Variants in CNGB1 observed in about 807,000 individuals in gnomAD.
The protein encoded by CNGB1 is cyclic nucleotide-gated channel beta-1.
Under a neutral mutation model 151.7 loss-of-function variants are expected in CNGB1, and 126 were observed. The ratio of observed to expected loss-of-function variants is 0.83; its 90% CI spans 0.72 to 0.96. The LOEUF (loss-of-function observed/expected upper bound fraction) is 0.96. CNGB1 is among the 40% of genes least tolerant of loss of function. The pLI, the probability that CNGB1 is intolerant of heterozygous loss-of-function variation, is 0.00. For missense variants in CNGB1, 1,698 were observed against 1,627.0 expected (o/e 1.04, Z -0.75); for synonymous variants, 623 against 635.1 (o/e 0.98, Z 0.29).
At chr16:57,930,810 A>G (rs1302358741) in intron 17 of CNGB1, among the ~76,000 whole-genome samples, 15 of 152,194 alleles carry the variant, frequency 9.9e-5, no homozygotes, top group Non-Finnish European at 7.3e-5. Flanking sequence ...TCAAGCTCAT[A>G]GAAACAGAAA....
intron 12 of CNGB1, chr16:57,955,081 T>C: frequency 1.5e-6 from 2 of 1,368,444 alleles, no homozygotes; most frequent in Non-Finnish European, 1.9e-6. Context: ...TGGGGGTAAG[T>C]CCTGCTGTCT....
chr16:57,958,535 A>T, intron 10 of CNGB1, 50 bp from the exon 11 acceptor site: 1 of 1,522,928 alleles, frequency 6.6e-7, no homozygotes, highest in South Asian at 1.1e-5. Flanking sequence ...GGTCATGGGT[A>T]AACTGAGGCT....
chr16:57,922,444 T>C (rs79651758), intron 18 of CNGB1, among the ~76,000 whole-genome samples: 1 of 151,228 alleles, frequency 6.6e-6, no homozygotes, highest in Non-Finnish European at 1.5e-5. Context: ...TTTTTTTTTT[T>C]TGAGATGAAG....
intron 14 of CNGB1, among the ~76,000 whole-genome samples, chr16:57,948,318 T>TC (rs1491422164): frequency 4.3e-3 from 24 of 5,572 alleles, no homozygotes; most frequent in African/African-American, 0.033. Context: ...TTCTTCTTCT[T>TC]TTTTTTTTTT....
chr16:57,924,709 G>A (rs1961139642), intron 17 of CNGB1, among the ~76,000 whole-genome samples: 1 of 152,172 alleles, frequency 6.6e-6, no homozygotes, highest in South Asian at 2.1e-4. Flanking sequence ...TGGCGGTGGG[G>A]CTTGGTGGAC....
At chr16:57,960,234 GA>G (rs1962208246) in intron 9 of CNGB1, among the ~76,000 whole-genome samples, 169 bp from the exon 10 acceptor site, 1 of 152,156 alleles carries the variant, frequency 6.6e-6, no homozygotes, top group Non-Finnish European at 1.5e-5. Context: ...CAAGGGAACT[GA>G]GACCCAGGGA....
Position 57,883,055 on chromosome 16 carries a change from C to G in CNGB1, c.*1109G>C, listed in dbSNP as rs1959801235. ...GGCAGAGGCAGAAACGCTAGCAGCT[C>G]CTGGCCAGTAAGTCCATTTCCCTTC... On this transcript the variant is annotated 3_prime_UTR_variant, in exon 33 of 33. Transcript: ENST00000251102. 1 of 152,164 alleles carries G rather than the reference C, an allele frequency of 6.6e-6. No individual in the cohort carries two copies. The highest frequency in any genetic ancestry group is 1.5e-5 in the Non-Finnish European group (1 of 68,050). The allele number at this position is 152,164 out of a possible 1,614,324, so 9.4% of individuals were successfully genotyped here.
chr16:57,938,023 G>T (rs1000133431), intron 16 of CNGB1, among the ~76,000 whole-genome samples: 2 of 152,222 alleles, frequency 1.3e-5, no homozygotes, highest in Admixed American at 1.3e-4. Flanking sequence ...ACCACGAGGA[G>T]TCTGATTTAG....
At position 57,911,740 on chromosome 16, in the gene CNGB1, G is replaced by T. The variant is rs747127148; in HGVS notation, c.2492+13C>A. The T allele has an allele frequency of 4.3e-6, 7 of 1,613,576 alleles. No individual in the cohort carries two copies. The highest frequency in any genetic ancestry group is 1.1e-5 in the South Asian group (1 of 91,030). On this transcript the variant is annotated intron_variant, in intron 25 of 32. Transcript: ENST00000251102. ...CACCCAGGCATGGCCCCAGGGGGAG[G>T]ACTGTGGCTCACCTGTTTCCCACGC...
At chr16:57,935,685 T>C (rs1273259846) in intron 16 of CNGB1, among the ~76,000 whole-genome samples, 1 of 151,878 alleles carries the variant, frequency 6.6e-6, no homozygotes, top group Non-Finnish European at 1.5e-5. Context: ...GATTTAGCAG[T>C]TATCAGGGAG....
intron 2 of CNGB1, 88 bp downstream of exon 2, chr16:57,967,040 T>G: frequency 6.3e-7 from 1 of 1,589,898 alleles, no homozygotes; most frequent in East Asian, 2.2e-5. Context: ...TTTTCTGCTG[T>G]AGAAAGTCCC....
intron 1 of CNGB1, among the ~76,000 whole-genome samples, chr16:57,968,499 A>T (rs571089336): frequency 5.9e-5 from 9 of 152,072 alleles, no homozygotes; most frequent in East Asian, 5.8e-4. Context: ...CCTGTCTCAA[A>T]AATAATAATA....
At chr16:57,891,390 C>G (rs1332748963) in intron 31 of CNGB1, among the ~76,000 whole-genome samples, 3 of 152,082 alleles carry the variant, frequency 2.0e-5, no homozygotes, top group Non-Finnish European at 4.4e-5. Context: ...ACACACAGTC[C>G]CAGAACACTG....
Position 57,904,873 on chromosome 16 carries a change from T to A in CNGB1, c.2495A>T (p.Tyr832Phe). Residue 832 changes from tyrosine to phenylalanine, a missense_variant and splice_region_variant, in exon 26 of 33, where the codon TAT (tyrosine) becomes TTT (phenylalanine). Physicochemically the swap from Tyr to Phe is conservative, Grantham distance 22 (BLOSUM62 3). Transcript: ENST00000251102. ...HWVYDGVGNSYIRCYYFAVKT... is the reference protein window; with the variant it reads ...HWVYDGVGNSFIRCYYFAVKT... ...CACAGCAAAGTAGTAACAGCGAATA[T>A]AACTGGAGAGAGAGGAGAAAGGGAA... 6.2e-7 allele frequency: 1 copy of A among 1,614,068 alleles called. No homozygotes were observed. Among genetic ancestry groups the A allele is most frequent in the Non-Finnish European group, 8.5e-7 (1 of 1,180,012 alleles).
chr16:57,933,223 C>T (rs1000809134), intron 16 of CNGB1, among the ~76,000 whole-genome samples: 9 of 152,186 alleles, frequency 5.9e-5, no homozygotes, highest in Non-Finnish European at 7.3e-5. Context: ...CCACTGGGCC[C>T]GGCTGGCCTC....
Position 57,957,372 on chromosome 16 carries a change from AG to A in CNGB1, c.842del (p.Pro281LeufsTer26). ...VLHGKIGEQE[P>X]DSPGICDVQT... ...GCACATCACATATCCCAGGGGAGTC[AG>A]GCTCCTGCATGGAGAGAGAAAAAAG... On this transcript the variant is annotated frameshift_variant, in exon 12 of 33. Transcript: ENST00000251102. LOFTEE classifies it high-confidence loss of function. 6.2e-7 allele frequency: 1 copy of A among 1,614,076 alleles called. No homozygotes were observed. The highest frequency in any genetic ancestry group is 8.5e-7 in the Non-Finnish European group (1 of 1,179,900).
intron 17 of CNGB1, 23 bp from the exon 18 acceptor site, chr16:57,923,403 G>T: frequency 6.3e-7 from 1 of 1,594,308 alleles, no homozygotes; most frequent in South Asian, 1.1e-5. Flanking sequence ...AGATGTGGAA[G>T]GGGCCTTCAG....
In CNGB1 at chr16:57,884,424, C is replaced by T. The variant is rs769142173; in HGVS notation, c.3496G>A (p.Gly1166Ser). 8 of 1,613,512 alleles carry T rather than the reference C, an allele frequency of 5.0e-6. No homozygotes were observed. Among genetic ancestry groups the T allele is most frequent in the Non-Finnish European group, 8.5e-7 (1 of 1,179,898 alleles). The change falls in exon 33 of 33, where the codon GGC becomes AGC. Residue 1166 changes from glycine to serine, a missense_variant. By Grantham distance (56) the Gly-to-Ser change is moderately conservative. Coordinates refer to ENST00000251102, the MANE Select transcript of CNGB1 (RefSeq NM_001297.5). Reference sequence around the variant, plus strand: ...GTGTGCTGGTCTGGGGCGGCGGAGCCTTCCTCTCCCTTGACGTCTTGCGAG... The same window carrying T: ...GTGTGCTGGTCTGGGGCGGCGGAGCTTTCCTCTCCCTTGACGTCTTGCGAG... Reference protein sequence around the residue: ...KSSQDVKGEEGSAAPDQHTHP... With the variant: ...KSSQDVKGEESSAAPDQHTHP...
chr16:57,946,052 G>A (rs1385798724), intron 14 of CNGB1, among the ~76,000 whole-genome samples: 2 of 152,128 alleles, frequency 1.3e-5, no homozygotes, highest in Non-Finnish European at 2.9e-5. Flanking sequence ...CCCAGTGCCT[G>A]CCAAGGCCCC....
Sources: allele counts gnomAD v4.1 joint callset (sites outside exome capture counted in the v4.1 genomes callset), GRCh38; gene constraint gnomAD v4.1.1; transcripts MANE v1.5; gene names NCBI Gene and HGNC (gene_info 2026-07-23, HGNC 2026-07-21).